ANKRD6: variants seen among roughly 807,000 people sequenced by gnomAD.
ANKRD6 encodes the protein ankyrin repeat domain 6.
Under a neutral mutation model 82.3 loss-of-function variants are expected in ANKRD6, and 56 were observed. The observed-to-expected ratio is 0.68, with a 90% CI of 0.55 to 0.85. ANKRD6 has a LOEUF of 0.85. ANKRD6 is among the 40% of genes least tolerant of loss of function. The pLI, the probability that ANKRD6 is intolerant of heterozygous loss-of-function variation, is 0.00. For missense variants in ANKRD6, 852 were observed against 907.6 expected (o/e 0.94, Z 0.79); for synonymous variants, 347 against 352.1 (o/e 0.99, Z 0.16).
At chr6:89,529,142 A>G (rs1013632894) in intron 1 of ANKRD6, among the ~76,000 whole-genome samples, 18 of 152,222 alleles carry the variant, frequency 1.2e-4, no homozygotes, top group African/African-American at 2.9e-4. Context: ...CCCTCTAGCT[A>G]TGAAAGTCTT....
chr6:89,470,046 A>G (rs1278989436), intron 1 of ANKRD6, among the ~76,000 whole-genome samples: 1 of 152,218 alleles, frequency 6.6e-6, no homozygotes, highest in Non-Finnish European at 1.5e-5. Flanking sequence ...TGCAAATAAT[A>G]CAGGACTTGG....
chr6:89,596,039 A>C, intron 3 of ANKRD6, 25 bp downstream of exon 3: 1 of 1,583,544 alleles, frequency 6.3e-7, no homozygotes, highest in South Asian at 1.2e-5. Flanking sequence ...TCATTCTATC[A>C]GGCTGAGTTG....
rs556108488 is a variant in ANKRD6 at position 89,445,878 on chromosome 6, G to A, written c.-144+12503G>A. ...CAGCCATGAGCCACTGCGCCCGGCTGATCAGAGATCTTTGATGTTATTATT... is the reference window on the plus strand; with the variant it reads ...CAGCCATGAGCCACTGCGCCCGGCTAATCAGAGATCTTTGATGTTATTATT... On this transcript the variant is annotated intron_variant, in intron 1 of 15. Transcript: ENST00000339746. 1.2e-3 allele frequency among the ~76,000 whole-genome samples: 178 copies of A among 152,094 alleles called. 1 individual carries two copies. The highest frequency in any genetic ancestry group is 4.1e-3 in the African/African-American group (172 of 41,506).
intron 4 of ANKRD6, among the ~76,000 whole-genome samples, chr6:89,604,466 C>CT (rs5878101): frequency 0.015 from 2,228 of 148,898 alleles, 60 homozygotes; most frequent in African/African-American, 0.05. Context: ...CCTCTGCTTA[C>CT]TTTTTTTTTT....
intron 1 of ANKRD6, among the ~76,000 whole-genome samples, chr6:89,506,642 T>TTATA (rs1374255316): frequency 2.0e-5 from 3 of 152,210 alleles, no homozygotes; most frequent in African/African-American, 7.2e-5. Context: ...AATTTGTCAG[T>TTATA]TATACCTCAA....
chr6:89,622,584 C>T (rs1297919003), intron 10 of ANKRD6, among the ~76,000 whole-genome samples: 1 of 152,200 alleles, frequency 6.6e-6, no homozygotes, highest in Non-Finnish European at 1.5e-5. Flanking sequence ...GCCTGTATGG[C>T]TCCCTTATAT....
intron 2 of ANKRD6, among the ~76,000 whole-genome samples, chr6:89,592,692 C>T (rs1222868438): frequency 3.9e-5 from 6 of 152,182 alleles, no homozygotes; most frequent in African/African-American, 1.4e-4. Context: ...CAGACATTTG[C>T]TCCTCATGGT....
chr6:89,487,924 G>A (rs1449457640), intron 1 of ANKRD6, among the ~76,000 whole-genome samples: 2 of 152,324 alleles, frequency 1.3e-5, no homozygotes, highest in South Asian at 2.1e-4. Context: ...ATTCTGTGAT[G>A]TGTAAAAATC....
chr6:89,526,788 A>G (rs1189692299), intron 1 of ANKRD6, among the ~76,000 whole-genome samples: 1 of 152,200 alleles, frequency 6.6e-6, no homozygotes, highest in East Asian at 1.9e-4. Context: ...CAGGGAGCCT[A>G]TGGCGTAGGC....
At chr6:89,549,147 C>T (rs1174782056) in intron 1 of ANKRD6, among the ~76,000 whole-genome samples, 3 of 152,044 alleles carry the variant, frequency 2.0e-5, no homozygotes, top group African/African-American at 7.2e-5. Flanking sequence ...GAGGTTGAGG[C>T]TGCAGTGAGC....
In ANKRD6 at chr6:89,623,883, T is replaced by C. The variant is rs774046908; in HGVS notation, c.1044T>C (p.Phe348=). 3.7e-6 allele frequency: 6 copies of C among 1,612,902 alleles called. No individual in the cohort carries two copies. The highest frequency in any genetic ancestry group is 5.1e-6 in the Non-Finnish European group (6 of 1,179,388). Residue 348 remains phenylalanine, a synonymous_variant, in exon 12 of 16, where the codon TTT becomes TTC. Coordinates refer to ENST00000339746, the MANE Select transcript of ANKRD6 (RefSeq NM_001242809.2). ...TTCCTCTCTTACAGGTGTCAGCATTTTCTGACCCCACCCCACCAGCCGACC... is the reference window on the plus strand; with the variant it reads ...TTCCTCTCTTACAGGTGTCAGCATTCTCTGACCCCACCCCACCAGCCGACC... ...RRKSRPKVSA[F]SDPTPPADQQ... is the part of the protein sequence containing the mutation.
At chr6:89,607,077 C>A (rs1411012639) in intron 5 of ANKRD6, among the ~76,000 whole-genome samples, 3 of 150,656 alleles carry the variant, frequency 2.0e-5, no homozygotes, top group Non-Finnish European at 2.9e-5. Context: ...GGCTGAGACA[C>A]AAGAATCGCT....
chr6:89,452,267 GTTC>G (rs984100051), intron 1 of ANKRD6, among the ~76,000 whole-genome samples: 1 of 152,174 alleles, frequency 6.6e-6, no homozygotes, highest in African/African-American at 2.4e-5. Flanking sequence ...ACGTAAAGTT[GTTC>G]TTCTTACAGT....
chr6:89,631,180 C>A lies in ANKRD6; in HGVS notation c.*176C>A. On this transcript the variant is annotated 3_prime_UTR_variant, in exon 16 of 16. Coordinates refer to ENST00000339746, the MANE Select transcript of ANKRD6 (RefSeq NM_001242809.2). ...TCCTATGCCCAGGAAGTTATGAAGA[C>A]TTCAACAATTAAACTGAAACCAGGG... is the stretch of plus-strand genomic sequence containing the variant. 8.5e-7 allele frequency: 1 copy of A among 1,180,698 alleles called. No homozygotes were observed. Among genetic ancestry groups the A allele is most frequent in the Non-Finnish European group, 1.1e-6 (1 of 904,432 alleles). The allele number at this position is 1,180,698 out of a possible 1,614,324, so 73.1% of individuals were successfully genotyped here.
At chr6:89,549,927 GAAAAA>G (rs1259272356) in intron 1 of ANKRD6, among the ~76,000 whole-genome samples, 1 of 147,544 alleles carries the variant, frequency 6.8e-6, no homozygotes. Flanking sequence ...AAAAAGAAAA[GAAAAA>G]AAAAGAAAAA....
At chr6:89,507,250 A>C (rs1779983011) in intron 1 of ANKRD6, among the ~76,000 whole-genome samples, 1 of 152,228 alleles carries the variant, frequency 6.6e-6, no homozygotes, top group Admixed American at 6.5e-5. Context: ...ATTACATAAA[A>C]AGACTGGGCT....
At position 89,480,941 on chromosome 6, in the gene ANKRD6, C is replaced by CAAAAAAAAAA. The variant is rs372393432; in HGVS notation, c.-144+47571_-144+47580dup. On this transcript the variant is annotated intron_variant, in intron 1 of 15. Transcript: ENST00000339746. The stretch of plus-strand genomic sequence containing the variant: ...TGGGTGACAGAGTAAGACCCTGTCT[C>CAAAAAAAAAA]AAAAAAAAAAAAAATAGAAGAAGAA... 3.7e-3 allele frequency among the ~76,000 whole-genome samples: 341 copies of CAAAAAAAAAA among 92,414 alleles called. 18 individuals are homozygous for CAAAAAAAAAA. Among genetic ancestry groups the CAAAAAAAAAA allele is most frequent in the Non-Finnish European group, 5.2e-3 (257 of 49,204 alleles). The allele number at this position is 92,414 out of a possible 152,430, so 60.6% of individuals were successfully genotyped here. A position where few individuals can be genotyped will look rare whatever the true frequency, so the allele number is the denominator to read the frequency against.
intron 1 of ANKRD6, among the ~76,000 whole-genome samples, chr6:89,447,089 A>G (rs1347884284): frequency 6.6e-6 from 1 of 152,168 alleles, no homozygotes; most frequent in Non-Finnish European, 1.5e-5. Context: ...TCCTGTCTCT[A>G]CAAAAAATTA....
chr6:89,595,908 A>T lies in ANKRD6; in HGVS notation c.121-8A>T. On this transcript the variant is annotated splice_region_variant and splice_polypyrimidine_tract_variant and intron_variant, in intron 2 of 15. Coordinates refer to ENST00000339746, the MANE Select transcript of ANKRD6 (RefSeq NM_001242809.2). Reference sequence around the variant, plus strand: ...GTTCCGAAATCATTGTTCATTTTGCATTCACAGCATGGCCGGACTCCCCTG... The same window carrying T: ...GTTCCGAAATCATTGTTCATTTTGCTTTCACAGCATGGCCGGACTCCCCTG... 6.3e-7 allele frequency: 1 copy of T among 1,599,078 alleles called. No individual in the cohort carries two copies. The highest frequency in any genetic ancestry group is 8.5e-7 in the Non-Finnish European group (1 of 1,171,948).
Sources: allele counts gnomAD v4.1 joint callset (sites outside exome capture counted in the v4.1 genomes callset), GRCh38; gene constraint gnomAD v4.1.1; transcripts MANE v1.5; gene names NCBI Gene and HGNC (gene_info 2026-07-23, HGNC 2026-07-21).